RBFA: variants seen among roughly 807,000 people sequenced by gnomAD.
The protein encoded by RBFA is ribosome binding factor A.
In RBFA, 16 loss-of-function variants were observed where a neutral mutation model predicts 27.9. That is an observed-to-expected ratio of 0.57 (90% CI 0.39 to 0.87). The LOEUF (loss-of-function observed/expected upper bound fraction) is 0.87. RBFA is among the 40% of genes least tolerant of loss of function. The pLI is 0.00. For synonymous variants in RBFA, 181 were observed against 181.0 expected (o/e 1.00, Z 0.00); for missense variants, 456 against 432.1 (o/e 1.06, Z -0.49).
rs932339300 is a variant in RBFA, at chr18:80,038,498, G to A, written c.379-7G>A. On this transcript the variant is annotated splice_polypyrimidine_tract_variant and splice_region_variant and intron_variant, in intron 3 of 6. Coordinates refer to ENST00000306735, the MANE Select transcript of RBFA (RefSeq NM_024805.3). ...AAAAAGTGACCTGTGGAGGGGCGGG[G>A]TCTCAGGTTTCCCTGACTCCAGACT... 1.3e-6 allele frequency: 2 copies of A among 1,599,456 alleles called. No individual in the cohort carries two copies. The highest frequency in any genetic ancestry group is 1.7e-6 in the Non-Finnish European group (2 of 1,169,008).
At chr18:80,043,237 A>G (rs866558686) in intron 5 of RBFA, among the ~76,000 whole-genome samples, 13 of 152,244 alleles carry the variant, frequency 8.5e-5, no homozygotes, top group Non-Finnish European at 1.9e-4. Flanking sequence ...TTGCAGTATT[A>G]TAGGTAACTG....
intron 5 of RBFA, 22 bp downstream of exon 5, chr18:80,042,241 T>C (rs765415077): frequency 4.0e-6 from 6 of 1,515,114 alleles, no homozygotes; most frequent in Admixed American, 1.9e-5. Flanking sequence ...AAAAAAACTT[T>C]TTAAAATTTA....
chr18:80,049,439 A>C lies in RBFA; in HGVS notation c.*3284A>C, dbSNP rs73971829. Among the ~76,000 whole-genome samples, 125 of 152,362 alleles carry C rather than the reference A, an allele frequency of 8.2e-4. No homozygotes were observed. The highest frequency in any genetic ancestry group is 2.8e-3 in the African/African-American group (118 of 41,580). Reference sequence around the variant, plus strand: ...TTCCGCAGCTCTCCAGATGACGTGCACGCACACTAAACACCCAGAAGTTAG... The same window carrying C: ...TTCCGCAGCTCTCCAGATGACGTGCCCGCACACTAAACACCCAGAAGTTAG... On this transcript the variant is annotated 3_prime_UTR_variant, in exon 7 of 7. Transcript: ENST00000306735.
rs774148131 is a variant in RBFA, at chr18:80,038,534, C to A, written c.408C>A (p.Cys136Ter). Reference protein sequence around the residue: ...KVSLTPDFSACRAYWKTTLSA... With the variant: ...KVSLTPDFSA ...CCCTGACTCCAGACTTCTCAGCCTG[C>A]CGAGCGTACTGGAAGACAACGCTCT... The change falls in exon 4 of 7, where the codon TGC (cysteine) becomes TGA (stop). Residue 136 changes from cysteine (C) to a stop codon, truncating the protein, a stop_gained. Coordinates refer to ENST00000306735, the MANE Select transcript of RBFA (RefSeq NM_024805.3). LOFTEE classifies it high-confidence loss of function. 7.4e-6 allele frequency: 12 copies of A among 1,613,716 alleles called. No homozygotes were observed. The highest frequency in any genetic ancestry group is 1.0e-5 in the Non-Finnish European group (12 of 1,179,696).
At chr18:80,034,928 G>T in intron 1 of RBFA, 1 of 403,350 alleles carries the variant, frequency 2.5e-6, no homozygotes. Context: ...TTCAGAAAAT[G>T]AGGAAAAATG....
rs751824815 is a variant in RBFA, at chr18:80,038,555, G to A, written c.429G>A (p.Thr143=). ...FSACRAYWKT[T]LSAEQNAHME... is the part of the protein sequence containing the mutation. ...CCTGCCGAGCGTACTGGAAGACAACGCTCTCTGCTGAGCAGAACGCACACA... is the reference window on the plus strand; with the variant it reads ...CCTGCCGAGCGTACTGGAAGACAACACTCTCTGCTGAGCAGAACGCACACA... Residue 143 remains threonine (T), a synonymous_variant, in exon 4 of 7, where the codon ACG becomes ACA. Transcript: ENST00000306735. 1.4e-5 allele frequency: 23 copies of A among 1,614,064 alleles called. No individual in the cohort carries two copies. The South Asian group carries it at 1.5e-4, about 11-fold the overall frequency.
At position 80,036,786 on chromosome 18, in the gene RBFA, A is replaced by G. The variant is rs192401775; in HGVS notation, c.201+76A>G. ...AAAAGTTGGCAAAACTCTTACCTGG[A>G]GGTCTTTCCATTTCTGTATTGGAGG... On this transcript the variant is annotated intron_variant, in intron 2 of 6. Transcript: ENST00000306735. 166 of 1,070,762 alleles carry G rather than the reference A, an allele frequency of 1.6e-4. No individual in the cohort carries two copies. The African/African-American group carries it at 2.2e-3, about 14-fold the overall frequency. 66.3% of individuals were successfully genotyped at this position (1,070,762 alleles called of 1,614,324 possible).
rs937188325 is a variant in RBFA at position 80,047,242 on chromosome 18, G to A, written c.*1087G>A. On this transcript the variant is annotated 3_prime_UTR_variant, in exon 7 of 7. Coordinates refer to ENST00000306735, the MANE Select transcript of RBFA (RefSeq NM_024805.3). ...AGGAGTAGAATCTGTGGAAGCAGCAGTGGCTTTAGTTGCTGTGCCCTGCCA... is the reference window on the plus strand; with the variant it reads ...AGGAGTAGAATCTGTGGAAGCAGCAATGGCTTTAGTTGCTGTGCCCTGCCA... 6 of 152,358 alleles carry A rather than the reference G, an allele frequency of 3.9e-5. No homozygotes were observed. Among genetic ancestry groups the A allele is most frequent in the African/African-American group, 1.4e-4 (6 of 41,474 alleles). 9.4% of individuals were successfully genotyped at this position (152,358 alleles called of 1,614,324 possible).
chr18:80,050,241 G>C lies in RBFA; in HGVS notation c.*4086G>C, dbSNP rs1340298008. ...ACAGGCCTGTGCCACCCAGGCCAGGGTAAGGGGAGCAGAGACCTTTTGGTT... is the reference window on the plus strand; with the variant it reads ...ACAGGCCTGTGCCACCCAGGCCAGGCTAAGGGGAGCAGAGACCTTTTGGTT... On this transcript the variant is annotated 3_prime_UTR_variant, in exon 7 of 7. Coordinates refer to ENST00000306735, the MANE Select transcript of RBFA (RefSeq NM_024805.3). Among the ~76,000 whole-genome samples, 2 of 152,212 alleles carry C rather than the reference G, an allele frequency of 1.3e-5. No individual in the cohort carries two copies. The highest frequency in any genetic ancestry group is 2.9e-5 in the Non-Finnish European group (2 of 68,036).
At position 80,045,363 on chromosome 18, in the gene RBFA, A is replaced by G. The variant is rs193036683; in HGVS notation, c.651-411A>G. Among the ~76,000 whole-genome samples the G allele has an allele frequency of 3.9e-4, 59 of 151,386 alleles. 2 individuals carry two copies. In the East Asian group the frequency reaches 0.012, roughly 30 times the overall value. ...TGCCTCAGCCTCCTGCGTAGCTGGG[A>G]TTACAGGCGAGCGCCACCACGCCCA... On this transcript the variant is annotated intron_variant, in intron 6 of 6. Transcript: ENST00000306735.
intron 4 of RBFA, among the ~76,000 whole-genome samples, chr18:80,040,399 C>T (rs1003349864): frequency 6.6e-6 from 1 of 152,016 alleles, no homozygotes; most frequent in Non-Finnish European, 1.5e-5. Context: ...CAGGTGCATG[C>T]CACCACACTT....
chr18:80,044,129 A>G, intron 5 of RBFA, 83 bp from the exon 6 acceptor site: 1 of 1,121,598 alleles, frequency 8.9e-7, no homozygotes, highest in Non-Finnish European at 1.4e-6. Flanking sequence ...TGCAGTCAAC[A>G]ATGCTGGTGT....
chr18:80,034,947 T>A lies in RBFA; in HGVS notation c.158+294T>A. The A allele has an allele frequency of 8.1e-6, 3 of 371,932 alleles. No individual in the cohort carries two copies. The South Asian group carries it at 1.1e-4, about 14-fold the overall frequency. 23.0% of individuals were successfully genotyped at this position (371,932 alleles called of 1,614,324 possible). On this transcript the variant is annotated intron_variant, in intron 1 of 6. Coordinates refer to ENST00000306735, the MANE Select transcript of RBFA (RefSeq NM_024805.3). ...GAAAATGAGGAAAAATGAAAAAATA[T>A]AAGAATTTCCTTGCTAATGTTGACT...
intron 5 of RBFA, 85 bp from the exon 6 acceptor site, chr18:80,044,127 A>G (rs2145148719): frequency 9.0e-7 from 1 of 1,110,180 alleles, no homozygotes. Flanking sequence ...TCTGCAGTCA[A>G]CAATGCTGGT....
At chr18:80,039,246 A>G (rs186124745) in intron 4 of RBFA, among the ~76,000 whole-genome samples, 3 of 152,250 alleles carry the variant, frequency 2.0e-5, no homozygotes, top group South Asian at 2.1e-4. Flanking sequence ...CTGGATTCCT[A>G]TCAGCCCAGG....
At chr18:80,037,584 T>C in intron 3 of RBFA, 78 bp downstream of exon 3, 1 of 1,367,104 alleles carries the variant, frequency 7.3e-7, no homozygotes, top group Non-Finnish European at 1.0e-6. Context: ...CAGTCTTGCC[T>C]GACAATTAAA....
At chr18:80,043,855 G>A (rs989296306) in intron 5 of RBFA, among the ~76,000 whole-genome samples, 7 of 152,184 alleles carry the variant, frequency 4.6e-5, no homozygotes, top group African/African-American at 1.7e-4. Flanking sequence ...CACAAATTCT[G>A]TGGCAAAACT....
Position 80,036,679 on chromosome 18 carries a change from G to C in RBFA, c.170G>C (p.Trp57Ser). The change falls in exon 2 of 7, where the codon TGG (tryptophan) becomes TCG (serine). Residue 57 changes from tryptophan to serine, a missense_variant. Physicochemically the swap from Trp to Ser is radical, Grantham distance 177. Coordinates refer to ENST00000306735, the MANE Select transcript of RBFA (RefSeq NM_024805.3). ...TTTTCTCCCCAAAGAAAAAAGGTTT[G>C]GTATGAAAGTCCTTCCTTGGGTTCT... is the stretch of plus-strand genomic sequence containing the variant. ...KFASKTKKKV[W>S]YESPSLGSHS... is the part of the protein sequence containing the mutation. 1 of 1,612,154 alleles carries C rather than the reference G, an allele frequency of 6.2e-7. No individual in the cohort carries two copies. The highest frequency in any genetic ancestry group is 8.5e-7 in the Non-Finnish European group (1 of 1,178,804).
In RBFA at chr18:80,047,702, A is replaced by G. The variant is rs34505926; in HGVS notation, c.*1547A>G. ...ATGATGGTATGAGTAGGAGAGAGAAAAAAAAAAGGGAGCCAGAAATTAGGT... is the reference window on the plus strand; with the variant it reads ...ATGATGGTATGAGTAGGAGAGAGAAGAAAAAAAGGGAGCCAGAAATTAGGT... On this transcript the variant is annotated 3_prime_UTR_variant, in exon 7 of 7. Coordinates refer to ENST00000306735, the MANE Select transcript of RBFA (RefSeq NM_024805.3). Among the ~76,000 whole-genome samples, 115,473 of 151,428 alleles carry G rather than the reference A, an allele frequency of 0.76. 44,741 individuals are homozygous for G. Among genetic ancestry groups the G allele is most frequent in the East Asian group, 0.91 (4,695 of 5,140 alleles).
Sources: gnomAD v4.1 joint callset for allele counts (sites outside exome capture counted in the v4.1 genomes callset) on GRCh38, gnomAD v4.1.1 for gene constraint, MANE v1.5 for transcripts, NCBI Gene and HGNC (gene_info 2026-07-23, HGNC 2026-07-21) for gene names.